Variants in CHD2 observed in about 807,000 individuals in gnomAD.
CHD2 encodes the protein ATP-dependent chromatin remodeler CHD2.
CHD2 carries 28 observed loss-of-function variants against 243.9 expected under a neutral mutation model. The ratio of observed to expected loss-of-function variants is 0.11; its 90% CI spans 0.09 to 0.16. The LOEUF is 0.16. Among genes scored for constraint, CHD2 ranks in the 10% least tolerant of loss-of-function variants. CHD2 has a pLI of 1.00. For synonymous variants in CHD2, 775 were observed against 779.0 expected, an observed-to-expected ratio of 0.99 and a Z score of 0.09; for missense variants, 1,386 against 2,209.8, an observed-to-expected ratio of 0.63 and a Z score of 7.47.
chr15:92,902,382 AT>A (rs2052541376), intron 2 of CHD2: 1 of 385,286 alleles, frequency 2.6e-6, no homozygotes, highest in South Asian at 1.4e-4. Context: ...CATATTATAA[AT>A]TTTAAATCAT....
At chr15:92,949,196 AT>A (rs1441551136) in intron 13 of CHD2, 120 bp downstream of exon 13, 1 of 1,529,454 alleles carries the variant, frequency 6.5e-7, no homozygotes, top group African/African-American at 1.4e-5. Context: ...AGAAATCTTT[AT>A]GCTGCATATT....
At chr15:92,965,565 CAAA>C (rs61447848) in intron 16 of CHD2, among the ~76,000 whole-genome samples, 1,278 of 110,296 alleles carry the variant, frequency 0.012, 3 homozygotes, top group South Asian at 0.031. Context: ...ACTCTTTCTC[CAAA>C]AAAAAAAAAA....
intron 27 of CHD2, among the ~76,000 whole-genome samples, chr15:92,992,449 T>A (rs1481005229): frequency 6.6e-6 from 1 of 152,206 alleles, no homozygotes; most frequent in Non-Finnish European, 1.5e-5. Context: ...GAAGTAGCTA[T>A]ACTCTGCTTC....
intron 19 of CHD2, 106 bp downstream of exon 19, chr15:92,972,523 A>T: frequency 9.7e-7 from 1 of 1,031,328 alleles, no homozygotes; most frequent in South Asian, 2.1e-5. Flanking sequence ...TAAAGTAGGA[A>T]GTAAGAGTTT....
chr15:92,924,416 C>T lies in CHD2; in HGVS notation c.158C>T (p.Ser53Leu), dbSNP rs368237024. The part of the protein sequence containing the change: ...SDPGSGHGSE[S>L]NSSSESSESQ... ...CCAGGAAGTGGACATGGCAGCGAGT[C>T]GAACAGCAGCTCTGAATCTTCTGAG... Residue 53 changes from serine (S) to leucine (L), a missense_variant, in exon 3 of 39, where the codon TCG (serine) becomes TTG (leucine). Transcript: ENST00000394196. The T allele has an allele frequency of 1.6e-5, 26 of 1,613,858 alleles. No individual in the cohort carries two copies. The highest frequency in any genetic ancestry group is 1.1e-4 in the African/African-American group (8 of 74,884).
At chr15:92,902,350 TG>T (rs1265965459) in intron 2 of CHD2, 8 of 392,572 alleles carry the variant, frequency 2.0e-5, no homozygotes, top group African/African-American at 1.6e-4. Context: ...ATGCATTTTT[TG>T]ATGTGTTCTT....
rs1010079188 is a variant in CHD2, at chr15:93,024,816, C to A, written c.*111C>A. On this transcript the variant is annotated 3_prime_UTR_variant, in exon 39 of 39. Transcript: ENST00000394196. ...AGTAAGTGGAGTTTTGGACATGCTG[C>A]TGCTGTCAACTCACTGGCTGAAGGA... 8 of 880,710 alleles carry A rather than the reference C, an allele frequency of 9.1e-6. No homozygotes were observed. In the African/African-American group the frequency reaches 1.4e-4, roughly 15 times the overall value. The allele number at this position is 880,710 out of a possible 1,614,324, so 54.6% of individuals were successfully genotyped here.
chr15:92,991,563 AT>A, intron 27 of CHD2, 46 bp downstream of exon 27: 2 of 1,408,378 alleles, frequency 1.4e-6, no homozygotes, highest in Non-Finnish European at 2.0e-6. Flanking sequence ...TTTTGCTTTT[AT>A]TATATAGTAC....
At chr15:92,938,904 A>G (rs533858873) in intron 6 of CHD2, among the ~76,000 whole-genome samples, 62 of 152,304 alleles carry the variant, frequency 4.1e-4, no homozygotes, top group African/African-American at 1.4e-3. Context: ...TATTCCAGGT[A>G]TATTTTATAC....
At chr15:93,012,199 A>G (rs544467134) in intron 35 of CHD2, 146 bp from the exon 36 acceptor site, 41 of 493,062 alleles carry the variant, frequency 8.3e-5, no homozygotes, top group Non-Finnish European at 9.2e-5. Context: ...ATTAATGCAA[A>G]TACCTGAAAT....
chr15:92,927,177 A>G lies in CHD2; in HGVS notation c.295-67A>G, dbSNP rs564535368. 3.5e-4 allele frequency: 391 copies of G among 1,124,174 alleles called. 2 individuals are homozygous for G. The highest frequency in any genetic ancestry group is 3.1e-3 in the African/African-American group (198 of 64,652). The allele number at this position is 1,124,174 out of a possible 1,614,324, so 69.6% of individuals were successfully genotyped here. ...GTTACTTGAATTCTCTTCAATTGCA[A>G]TAAACGTTTGATAATAATAATGGGG... On this transcript the variant is annotated intron_variant, in intron 3 of 38. Transcript: ENST00000394196.
intron 16 of CHD2, among the ~76,000 whole-genome samples, chr15:92,962,152 T>C (rs1309991878): frequency 6.6e-6 from 1 of 152,038 alleles, no homozygotes; most frequent in Non-Finnish European, 1.5e-5. Flanking sequence ...AGTGCTGGGA[T>C]TGCAGGCGTG....
rs567029656 is a variant in CHD2 at position 92,948,380 on chromosome 15, C to G, written c.1378-572C>G. Reference sequence around the variant, plus strand: ...GAGACTCTGACTGCCATATAATAGACAAGACCTAAAGTGCTATTTAATGAT... The same window carrying G: ...GAGACTCTGACTGCCATATAATAGAGAAGACCTAAAGTGCTATTTAATGAT... On this transcript the variant is annotated intron_variant, in intron 12 of 38. Transcript: ENST00000394196. 3.3e-5 allele frequency among the ~76,000 whole-genome samples: 5 copies of G among 152,224 alleles called. No individual in the cohort carries two copies. The South Asian group carries it at 6.2e-4, about 19-fold the overall frequency.
intron 35 of CHD2, among the ~76,000 whole-genome samples, chr15:93,010,330 CT>C (rs2054375164): frequency 1.3e-5 from 2 of 151,980 alleles, no homozygotes; most frequent in African/African-American, 2.4e-5. Context: ...TTCTTTTCCC[CT>C]GGGTGGATAC....
At chr15:93,004,123 C>CAAA (rs982331625) in intron 33 of CHD2, among the ~76,000 whole-genome samples, 15 of 73,524 alleles carry the variant, frequency 2.0e-4, no homozygotes, top group African/African-American at 4.7e-4. Context: ...GAATCTGTCT[C>CAAA]AAAAAAAAAA....
intron 26 of CHD2, among the ~76,000 whole-genome samples, chr15:92,987,301 T>A (rs1374405777): frequency 2.0e-5 from 3 of 152,082 alleles, no homozygotes; most frequent in Admixed American, 6.5e-5. Context: ...TTTGAAATTT[T>A]AAAAAATGGT....
At chr15:93,003,670 C>A (rs1452463652) in intron 33 of CHD2, among the ~76,000 whole-genome samples, 2 of 151,884 alleles carry the variant, frequency 1.3e-5, no homozygotes, top group Non-Finnish European at 2.9e-5. Flanking sequence ...AAGCTGCCCC[C>A]TGTTCCCTTT....
chr15:93,020,138 G>A lies in CHD2; in HGVS notation c.5033G>A (p.Arg1678Gln), dbSNP rs201628571. The A allele has an allele frequency of 1.3e-4, 217 of 1,613,872 alleles. No homozygotes were observed. Among genetic ancestry groups the A allele is most frequent in the Admixed American group, 2.8e-4 (17 of 59,994 alleles). Residue 1678 changes from arginine (R) to glutamine (Q), a missense_variant, in exon 38 of 39, where the codon CGG becomes CAG. Coordinates refer to ENST00000394196, the MANE Select transcript of CHD2 (RefSeq NM_001271.4). ...HWYKDHHYGD[R>Q]RHMDAHRSGS... The stretch of plus-strand genomic sequence containing the variant: ...TACAAGGACCACCATTATGGGGACC[G>A]GCGACATATGGATGCCCACCGTTCC...
At position 92,946,081 on chromosome 15, in the gene CHD2, A is replaced by T; in HGVS notation, c.1242A>T (p.Leu414=). ...KPAPSNEPEY[L]CKWMGLPYSE... is the part of the protein sequence containing the mutation. ...CACCCTCAAATGAGCCCGAATATCT[A>T]TGTAAATGGATGGGACTCCCCTATT... Residue 414 remains leucine (L), a synonymous_variant, in exon 12 of 39, where the codon CTA becomes CTT. Transcript: ENST00000394196. 1.2e-6 allele frequency: 2 copies of T among 1,610,518 alleles called. No individual in the cohort carries two copies. Among genetic ancestry groups the T allele is most frequent in the South Asian group, 1.1e-5 (1 of 90,496 alleles).
Sources: allele counts gnomAD v4.1 joint callset (sites outside exome capture counted in the v4.1 genomes callset), GRCh38; gene constraint gnomAD v4.1.1; transcripts MANE v1.5; gene names NCBI Gene and HGNC (gene_info 2026-07-23, HGNC 2026-07-21).